The following LPIN2 variants were observed in gnomAD, a reference collection of about 807,000 sequenced individuals.
LPIN2 encodes phosphatidate phosphatase LPIN2.
In LPIN2, 55 loss-of-function variants were observed where a neutral mutation model predicts 111.4. That is an observed-to-expected ratio of 0.49 (90% CI 0.40 to 0.62). The LOEUF (loss-of-function observed/expected upper bound fraction) is 0.62, where lower values mean the gene tolerates loss of function less well. Ranked by LOEUF, LPIN2 falls within the 20% of genes least tolerant of loss-of-function variation. LPIN2 has a pLI of 0.00. For missense variants in LPIN2, 992 were observed against 1,112.1 expected (o/e 0.89, Z 1.54); for synonymous variants, 425 against 414.0 (o/e 1.03, Z -0.32).
intron 1 of LPIN2, among the ~76,000 whole-genome samples, chr18:3,010,631 T>TA (rs1305212286): frequency 6.6e-6 from 1 of 152,164 alleles, no homozygotes; most frequent in African/African-American, 2.4e-5. Context: ...GAAATGGATT[T>TA]AAATTAAAGA....
intron 4 of LPIN2, among the ~76,000 whole-genome samples, chr18:2,947,387 GA>G (rs1156239496): frequency 2.6e-5 from 4 of 152,158 alleles, no homozygotes; most frequent in African/African-American, 9.7e-5. Flanking sequence ...CCATCCTCTA[GA>G]AGGACAAACA....
chr18:2,927,765 C>A lies in LPIN2; in HGVS notation c.1667G>T (p.Gly556Val). The A allele has an allele frequency of 1.9e-6, 3 of 1,614,212 alleles. No individual in the cohort carries two copies. The highest frequency in any genetic ancestry group is 2.5e-6 in the Non-Finnish European group (3 of 1,180,030). The change falls in exon 12 of 20, where the codon GGT becomes GTT. Residue 556 changes from glycine (G) to valine (V), a missense_variant. Coordinates refer to ENST00000677752, the MANE Select transcript of LPIN2 (RefSeq NM_001375808.2). ...TCTCTTTCGCCAAAACCACCAGCGA[C>A]CAGATTTCTTTGGCATCTTGTCTTT... ...WVKDKMPKKSGRWWFWRKRES... is the reference protein window; with the variant it reads ...WVKDKMPKKSVRWWFWRKRES...
chr18:2,990,615 G>A, intron 1 of LPIN2: 1 of 182,362 alleles, frequency 5.5e-6, no homozygotes, highest in East Asian at 1.5e-4. Flanking sequence ...GATGGCTATA[G>A]TTTCTGTTAA....
chr18:2,988,011 T>TGAAAAAAAAAA (rs2078211519), intron 1 of LPIN2, among the ~76,000 whole-genome samples: 1 of 41,542 alleles, frequency 2.4e-5, no homozygotes, highest in Admixed American at 3.3e-4. Flanking sequence ...AGAGACTGTC[T>TGAAAAAAAAAA]CAAAAAAAAA....
At chr18:2,932,565 G>A (rs2077224896) in intron 8 of LPIN2, among the ~76,000 whole-genome samples, 1 of 152,224 alleles carries the variant, frequency 6.6e-6, no homozygotes, top group African/African-American at 2.4e-5. Flanking sequence ...AAAGTCAGCA[G>A]AACTGTTGTT....
At chr18:2,980,761 G>A (rs570714441) in intron 1 of LPIN2, among the ~76,000 whole-genome samples, 1 of 152,142 alleles carries the variant, frequency 6.6e-6, no homozygotes, top group Non-Finnish European at 1.5e-5. Context: ...TCTGTGCCGG[G>A]GGTTCTCTCT....
intron 2 of LPIN2, 128 bp downstream of exon 2, chr18:2,960,521 A>G: frequency 1.1e-6 from 1 of 902,820 alleles, no homozygotes; most frequent in Admixed American, 2.1e-5. Flanking sequence ...GGTTAAAAAA[A>G]AAAAAAGGCC....
chr18:2,947,637 T>C lies in LPIN2; in HGVS notation c.590+3418A>G, dbSNP rs139460327. On this transcript the variant is annotated intron_variant, in intron 4 of 19. Transcript: ENST00000677752. ...AACAAAATTCTTGAAAAGTAAAGAA[T>C]TTAAACGAAATGCCATTTGTCAAAA... Among the ~76,000 whole-genome samples the C allele has an allele frequency of 1.2e-3, 178 of 152,300 alleles. 1 individual carries two copies. The highest frequency in any genetic ancestry group is 4.4e-3 in the South Asian group (21 of 4,824).
At chr18:2,966,369 C>T (rs571895966) in intron 1 of LPIN2, among the ~76,000 whole-genome samples, 9 of 152,318 alleles carry the variant, frequency 5.9e-5, no homozygotes, top group African/African-American at 1.9e-4. Context: ...ACTTGTTACA[C>T]GTCTCTCATG....
intron 1 of LPIN2, among the ~76,000 whole-genome samples, chr18:2,983,283 CTT>C (rs1555605797): frequency 6.6e-6 from 1 of 152,200 alleles, no homozygotes; most frequent in Non-Finnish European, 1.5e-5. Flanking sequence ...CTACTGAACA[CTT>C]TTCCTTTGTC....
At position 2,946,338 on chromosome 18, in the gene LPIN2, CACT is replaced by C. The variant is rs746346463; in HGVS notation, c.590+4714_590+4716del. ...GGTTTGACTGGCTCAGGTGGCTTCT[CACT>C]ATTATGTCTACCTTTTGTACAGCCT... On this transcript the variant is annotated intron_variant, in intron 4 of 19. Coordinates refer to ENST00000677752, the MANE Select transcript of LPIN2 (RefSeq NM_001375808.2). 8.6e-6 allele frequency: 13 copies of C among 1,504,348 alleles called. No homozygotes were observed. In the Admixed American group the frequency reaches 1.8e-4, roughly 21 times the overall value. 93.2% of individuals were successfully genotyped at this position (1,504,348 alleles called of 1,614,324 possible).
intron 8 of LPIN2, among the ~76,000 whole-genome samples, chr18:2,932,710 C>T (rs1343887527): frequency 1.3e-5 from 2 of 152,190 alleles, no homozygotes; most frequent in African/African-American, 2.4e-5. Flanking sequence ...TGAATATGGA[C>T]GGAAGGCATA....
At chr18:2,949,231 G>A (rs1242649967) in intron 4 of LPIN2, among the ~76,000 whole-genome samples, 1 of 152,158 alleles carries the variant, frequency 6.6e-6, no homozygotes, top group Non-Finnish European at 1.5e-5. Context: ...AAAAGGACAG[G>A]AAGAGTCTCT....
intron 1 of LPIN2, chr18:2,982,572 C>CT (rs1361594693): frequency 7.0e-6 from 3 of 428,632 alleles, no homozygotes; most frequent in African/African-American, 6.3e-5. Flanking sequence ...GGGCATTAGT[C>CT]TTTTTCTTTT....
chr18:2,990,108 A>G (rs1248684772), intron 1 of LPIN2, among the ~76,000 whole-genome samples: 1 of 152,186 alleles, frequency 6.6e-6, no homozygotes, highest in East Asian at 1.9e-4. Flanking sequence ...TGCTGACACA[A>G]CTAAGTTTCT....
intron 10 of LPIN2, among the ~76,000 whole-genome samples, 195 bp from the exon 11 acceptor site, chr18:2,928,855 G>T (rs556270254): frequency 6.6e-6 from 1 of 152,162 alleles, no homozygotes; most frequent in African/African-American, 2.4e-5. Flanking sequence ...CAGAGAAGCC[G>T]TAAAATCTAT....
At chr18:2,974,428 G>GT (rs1567847174) in intron 1 of LPIN2, among the ~76,000 whole-genome samples, 2 of 152,172 alleles carry the variant, frequency 1.3e-5, no homozygotes, top group Admixed American at 6.5e-5. Context: ...GGGGGAGCCT[G>GT]TTATTAGAGA....
At chr18:2,993,493 C>T (rs189350068) in intron 1 of LPIN2, among the ~76,000 whole-genome samples, 10 of 152,312 alleles carry the variant, frequency 6.6e-5, no homozygotes, top group Admixed American at 2.0e-4. Context: ...AACAATCTGA[C>T]ATTTCGAAAA....
In LPIN2 at chr18:2,921,540, C is replaced by T. The variant is rs753664055; in HGVS notation, c.2435G>A (p.Arg812His). The T allele has an allele frequency of 2.2e-5, 36 of 1,610,752 alleles. No individual in the cohort carries two copies. The highest frequency in any genetic ancestry group is 2.8e-5 in the Non-Finnish European group (33 of 1,176,890). Reference protein sequence around the residue: ...KQPFYAAFGNRPNDVYAYTQV... With the variant: ...KQPFYAAFGNHPNDVYAYTQV... ...AGCCCAGGAGATACTCACATTTGGA[C>T]GGTTTCCAAAGGCAGCATAGAAGGG... Residue 812 changes from arginine to histidine, a missense_variant, in exon 18 of 20, where the codon CGT becomes CAT. Physicochemically the swap from Arg to His is conservative, Grantham distance 29 (BLOSUM62 0). Coordinates refer to ENST00000677752, the MANE Select transcript of LPIN2 (RefSeq NM_001375808.2).
Sources: gnomAD v4.1 joint callset for allele counts (sites outside exome capture counted in the v4.1 genomes callset) on GRCh38, gnomAD v4.1.1 for gene constraint, MANE v1.5 for transcripts, NCBI Gene and HGNC (gene_info 2026-07-23, HGNC 2026-07-21) for gene names.